TEX9: variants seen among roughly 807,000 people sequenced by gnomAD.
TEX9 encodes the protein testis expressed 9, also known as testis-expressed protein 9.
A neutral mutation model predicts 59.6 loss-of-function variants in TEX9; 74 were observed. The ratio of observed to expected loss-of-function variants is 1.24; its 90% CI spans 1.03 to 1.51. The LOEUF is 1.51. Ranked by LOEUF, TEX9 falls within the 40% of genes most tolerant of loss-of-function variation. TEX9 has a pLI of 0.00. For missense variants in TEX9, 522 were observed against 447.8 expected (o/e 1.17, Z -1.49); for synonymous variants, 186 against 152.2 (o/e 1.22, Z -1.64).
At chr15:56,399,557 C>T (rs541518251) in intron 9 of TEX9, among the ~76,000 whole-genome samples, 1 of 152,246 alleles carries the variant, frequency 6.6e-6, no homozygotes, top group Non-Finnish European at 1.5e-5. Flanking sequence ...AGGCAGCAGA[C>T]AACTTCTGCA....
intron 3 of TEX9, among the ~76,000 whole-genome samples, chr15:56,373,992 T>C (rs2047310417): frequency 6.6e-6 from 1 of 152,118 alleles, no homozygotes; most frequent in Non-Finnish European, 1.5e-5. Context: ...GTATCATATA[T>C]AACATTTCAA....
chr15:56,300,307 G>C (rs1177212866), intron 1 of TEX9, among the ~76,000 whole-genome samples: 1 of 151,946 alleles, frequency 6.6e-6, no homozygotes, highest in Non-Finnish European at 1.5e-5. Flanking sequence ...AGAGTGAGAA[G>C]GACATTGTTT....
At chr15:56,274,118 G>C (rs1436960521) in intron 1 of TEX9, among the ~76,000 whole-genome samples, 1 of 151,988 alleles carries the variant, frequency 6.6e-6, no homozygotes, top group Non-Finnish European at 1.5e-5. Context: ...TTCTACATAG[G>C]GTAGACCGTT....
intron 1 of TEX9, among the ~76,000 whole-genome samples, chr15:56,266,789 G>A (rs976729984): frequency 2.5e-4 from 38 of 152,170 alleles, no homozygotes; most frequent in African/African-American, 6.8e-4. Flanking sequence ...ATAAACATAC[G>A]TGTGCATATG....
At chr15:56,319,790 A>G (rs2045862084) in intron 1 of TEX9, among the ~76,000 whole-genome samples, 1 of 152,192 alleles carries the variant, frequency 6.6e-6, no homozygotes, top group South Asian at 2.1e-4. Context: ...CCAAGAAAAT[A>G]TTGTGAATCA....
At chr15:56,459,604 CGT>C in the TEX9 span, among the ~76,000 whole-genome samples, 1 of 152,062 alleles carries the variant, frequency 6.6e-6, no homozygotes, top group African/African-American at 2.4e-5. Context: ...CAGCAACTAA[CGT>C]GTACTCTTCA....
Position 56,383,908 on chromosome 15 carries a change from G to T in TEX9, c.184-44G>T, listed in dbSNP as rs553521248. The T allele has an allele frequency of 2.1e-4, 309 of 1,445,832 alleles. No individual in the cohort carries two copies. The highest frequency in any genetic ancestry group is 9.0e-4 in the Middle Eastern group (5 of 5,586). The allele number at this position is 1,445,832 out of a possible 1,614,324, so 89.6% of individuals were successfully genotyped here. A position where few individuals can be genotyped will look rare whatever the true frequency, so the allele number is the denominator to read the frequency against. Reference sequence around the variant, plus strand: ...CACTTGAATATATCTTAATGGTTTGGTTTTTTTTCTATATGATATATTACC... The same window carrying T: ...CACTTGAATATATCTTAATGGTTTGTTTTTTTTTCTATATGATATATTACC... On this transcript the variant is annotated intron_variant, in intron 3 of 12. Transcript: ENST00000352903.
chr15:56,374,852 A>G (rs1042204761), intron 3 of TEX9, among the ~76,000 whole-genome samples: 1 of 152,152 alleles, frequency 6.6e-6, no homozygotes, highest in African/African-American at 2.4e-5. Context: ...TTCCAGTTAC[A>G]TCCATGTTGT....
chr15:56,334,373 A>T (rs2046218687), intron 1 of TEX9, among the ~76,000 whole-genome samples: 1 of 152,200 alleles, frequency 6.6e-6, no homozygotes, highest in African/African-American at 2.4e-5. Context: ...CAGTGAACTC[A>T]TTTTTGACAA....
At chr15:56,417,758 G>A (rs2049767526) in intron 10 of TEX9, among the ~76,000 whole-genome samples, 2 of 151,744 alleles carry the variant, frequency 1.3e-5, no homozygotes, top group Admixed American at 6.6e-5. Flanking sequence ...TTTCTACCTC[G>A]ATGATCTGTC....
upstream of TEX9, among the ~76,000 whole-genome samples, chr15:56,364,466 C>CT (rs55845567): frequency 0.36 from 50,488 of 139,540 alleles, 9,046 homozygotes; most frequent in Middle Eastern, 0.51. Context: ...TTTTTCTTTT[C>CT]TTTTTTTTTT....
At chr15:56,444,249 A>C (rs1423864546) in intron 12 of TEX9, among the ~76,000 whole-genome samples, 1 of 152,094 alleles carries the variant, frequency 6.6e-6, no homozygotes, top group Non-Finnish European at 1.5e-5. Flanking sequence ...TTTATTAATC[A>C]TCAGATAATT....
At chr15:56,357,912 C>T (rs1231222391) in intron 1 of TEX9, among the ~76,000 whole-genome samples, 1 of 152,000 alleles carries the variant, frequency 6.6e-6, no homozygotes, top group Non-Finnish European at 1.5e-5. Context: ...TTTGTTATTT[C>T]TTCTAATTTT....
At chr15:56,420,172 A>G (rs1164560301) in intron 10 of TEX9, among the ~76,000 whole-genome samples, 1 of 151,536 alleles carries the variant, frequency 6.6e-6, no homozygotes, top group Admixed American at 6.6e-5. Context: ...TTTTCTGATC[A>G]GTCTTACTAG....
the TEX9 span, among the ~76,000 whole-genome samples, chr15:56,459,951 T>C: frequency 7.7e-6 from 1 of 129,134 alleles, no homozygotes; most frequent in African/African-American, 3.0e-5. Context: ...AATTGCGCCA[T>C]TGCACTCCAG....
intron 1 of TEX9, among the ~76,000 whole-genome samples, chr15:56,310,750 G>A (rs147833098): frequency 2.6e-5 from 4 of 152,292 alleles, no homozygotes; most frequent in African/African-American, 9.6e-5. Context: ...AGGGAAAGCA[G>A]AGAAAAAGAG....
chr15:56,342,233 T>C (rs79412506), intron 1 of TEX9, among the ~76,000 whole-genome samples: 6,680 of 152,242 alleles, frequency 0.044, 221 homozygotes, highest in Admixed American at 0.086. Context: ...TCATATTCAT[T>C]ACTCTTACAT....
intron 7 of TEX9, chr15:56,393,669 T>A (rs1053864889): frequency 1.3e-5 from 2 of 152,254 alleles, no homozygotes; most frequent in Non-Finnish European, 2.9e-5. Context: ...AGATAGATCC[T>A]GAAGGTTTGT....
intron 1 of TEX9, among the ~76,000 whole-genome samples, chr15:56,318,481 G>C (rs1454054265): frequency 3.9e-5 from 6 of 151,966 alleles, no homozygotes; most frequent in Non-Finnish European, 1.5e-5. Context: ...GATTGGAGTG[G>C]TTTTTCCACT....
Sources: gnomAD v4.1 joint callset for allele counts (sites outside exome capture counted in the v4.1 genomes callset) on GRCh38, gnomAD v4.1.1 for gene constraint, MANE v1.5 for transcripts, NCBI Gene and HGNC (gene_info 2026-07-23, HGNC 2026-07-21) for gene names.